The following ROBO2 variants were observed in gnomAD, a reference collection of about 807,000 sequenced individuals.
ROBO2 encodes the protein roundabout guidance receptor 2.
In ROBO2, 53 loss-of-function variants were observed where a neutral mutation model predicts 160.8. The ratio of observed to expected loss-of-function variants is 0.33; its 90% CI spans 0.26 to 0.41. The LOEUF is 0.41. Ranked by LOEUF, ROBO2 falls within the 10% of genes least tolerant of loss-of-function variation. The pLI is 1.00. For synonymous variants in ROBO2, 664 were observed against 611.7 expected (o/e 1.09, Z -1.26); for missense variants, 1,577 against 1,722.4 (o/e 0.92, Z 1.49).
intron 2 of ROBO2, among the ~76,000 whole-genome samples, chr3:77,425,367 T>A (rs1560796892): frequency 6.6e-6 from 1 of 151,996 alleles, no homozygotes; most frequent in Non-Finnish European, 1.5e-5. Context: ...AGAATTTGAG[T>A]AAAATTAAAA....
chr3:76,676,326 C>G lies in ROBO2; in HGVS notation c.110-421688C>G, dbSNP rs559496940. ...TTCACTTTGCACTTCTCCTTCCTGG[C>G]GCTTTGCACTTTTCCTTCCTTGCTT... On this transcript the variant is annotated intron_variant, in intron 2 of 26. Transcript: ENST00000487694. Among the ~76,000 whole-genome samples the G allele has an allele frequency of 1.1e-4, 16 of 152,208 alleles. No homozygotes were observed. In the South Asian group the frequency reaches 3.3e-3, roughly 32 times the overall value.
At chr3:76,888,566 A>G (rs1477319918) in intron 2 of ROBO2, among the ~76,000 whole-genome samples, 1 of 152,224 alleles carries the variant, frequency 6.6e-6, no homozygotes, top group African/African-American at 2.4e-5. Context: ...AACAACTTCA[A>G]TCAAATCAAT....
intron 2 of ROBO2, among the ~76,000 whole-genome samples, chr3:77,326,381 C>T (rs1415075067): frequency 1.3e-5 from 2 of 152,118 alleles, no homozygotes; most frequent in Non-Finnish European, 2.9e-5. Context: ...CTCAGTTTAC[C>T]ACTCTGTTGA....
intron 2 of ROBO2, among the ~76,000 whole-genome samples, chr3:77,309,064 G>GTT (rs60708956): frequency 2.1e-5 from 3 of 145,746 alleles, no homozygotes; most frequent in African/African-American, 7.5e-5. Context: ...GCTATTTATT[G>GTT]TTTTTTTTTT....
chr3:77,486,529 T>A (rs1052120261), intron 4 of ROBO2, among the ~76,000 whole-genome samples: 9 of 108,692 alleles, frequency 8.3e-5, no homozygotes, highest in African/African-American at 2.7e-4. Context: ...ATGTTGAACT[T>A]TTTTTCATAT....
intron 2 of ROBO2, among the ~76,000 whole-genome samples, chr3:77,304,771 T>G (rs1040523614): frequency 2.0e-5 from 3 of 152,218 alleles, no homozygotes; most frequent in African/African-American, 7.2e-5. Flanking sequence ...TCTTTTCTGG[T>G]TGAATAACAG....
At chr3:76,659,542 A>T (rs373592926) in intron 2 of ROBO2, among the ~76,000 whole-genome samples, 1 of 152,016 alleles carries the variant, frequency 6.6e-6, no homozygotes, top group Non-Finnish European at 1.5e-5. Context: ...TCTCTCAGCT[A>T]ATGGGCTGTG....
In ROBO2 at chr3:76,165,872, T is replaced by C. The variant is rs72630362; in HGVS notation, c.109+228270T>C. On this transcript the variant is annotated intron_variant, in intron 2 of 26. Coordinates refer to the ROBO2 transcript ENST00000487694. ...AAGGAAAGAAGCCATCTCCATAATA[T>C]AAAAATGCAAGGTGAAGCAGCAAGT... Among the ~76,000 whole-genome samples the C allele has an allele frequency of 3.3e-5, 5 of 152,084 alleles. No individual in the cohort carries two copies. In the South Asian group the frequency reaches 1.0e-3, roughly 32 times the overall value.
At chr3:76,515,148 G>A (rs1033548199) in intron 2 of ROBO2, among the ~76,000 whole-genome samples, 4 of 152,114 alleles carry the variant, frequency 2.6e-5, no homozygotes, top group Admixed American at 1.3e-4. Flanking sequence ...TTTCCAGTTT[G>A]AGATGTTTAA....
chr3:77,284,434 T>C (rs2060447422), intron 2 of ROBO2, among the ~76,000 whole-genome samples: 1 of 152,134 alleles, frequency 6.6e-6, no homozygotes, highest in South Asian at 2.1e-4. Flanking sequence ...TTAAATGGGA[T>C]AATATAAGCT....
intron 2 of ROBO2, among the ~76,000 whole-genome samples, chr3:76,544,167 A>G (rs1048861944): frequency 6.6e-6 from 1 of 152,002 alleles, no homozygotes; most frequent in Non-Finnish European, 1.5e-5. Context: ...TTCATGTCCT[A>G]AAGAGTCAGT....
intron 2 of ROBO2, among the ~76,000 whole-genome samples, chr3:76,777,344 G>A (rs982302493): frequency 1.3e-5 from 2 of 150,814 alleles, no homozygotes; most frequent in African/African-American, 4.9e-5. Context: ...GAGATATTAT[G>A]GACAGAAATG....
intron 1 of ROBO2, among the ~76,000 whole-genome samples, chr3:75,911,152 G>C (rs1265483361): frequency 6.6e-6 from 1 of 152,032 alleles, no homozygotes; most frequent in Non-Finnish European, 1.5e-5. Context: ...CAAATATGTT[G>C]AACTGTACTT....
chr3:77,648,513 G>A (rs2153726520), exon 26 of ROBO2: 1 of 152,264 alleles, frequency 6.6e-6, no homozygotes, highest in East Asian at 1.9e-4. Flanking sequence ...AGAGCTTGTG[G>A]TTACTTGGAA....
chr3:76,472,775 A>G (rs7427197), intron 2 of ROBO2, among the ~76,000 whole-genome samples: 105,442 of 152,082 alleles, frequency 0.69, 38,230 homozygotes, highest in African/African-American at 0.93. Context: ...TAAGGTCACA[A>G]GTCAGTGTTC....
intron 22 of ROBO2, among the ~76,000 whole-genome samples, chr3:77,621,722 C>T (rs925336480): frequency 6.6e-6 from 1 of 151,972 alleles, no homozygotes; most frequent in Non-Finnish European, 1.5e-5. Flanking sequence ...TGAGAGAGAT[C>T]GTGTGGGGAG....
chr3:77,399,450 A>G (rs1384135652), intron 2 of ROBO2, among the ~76,000 whole-genome samples: 14 of 152,156 alleles, frequency 9.2e-5, no homozygotes, highest in Non-Finnish European at 1.9e-4. Context: ...TTAAATCACA[A>G]TTCAGTACAG....
chr3:77,645,472 T>C (rs1013965125), intron 25 of ROBO2, among the ~76,000 whole-genome samples: 4 of 152,162 alleles, frequency 2.6e-5, no homozygotes, highest in Admixed American at 6.6e-5. Context: ...TACTAGGTAA[T>C]AGGGAAAATT....
intron 2 of ROBO2, among the ~76,000 whole-genome samples, chr3:76,255,037 G>A (rs1177541809): frequency 2.0e-5 from 3 of 152,098 alleles, no homozygotes; most frequent in Non-Finnish European, 4.4e-5. Context: ...ACACTCAGAT[G>A]TAGGCTGACA....
Sources: allele counts gnomAD v4.1 joint callset (sites outside exome capture counted in the v4.1 genomes callset), GRCh38; gene constraint gnomAD v4.1.1; transcripts MANE v1.5; gene names NCBI Gene and HGNC (gene_info 2026-07-23, HGNC 2026-07-21).